The following MAML3 variants were observed in gnomAD, a reference collection of about 807,000 sequenced individuals.
The protein encoded by MAML3 is mastermind-like protein 3.
In MAML3, 27 loss-of-function variants were observed where a neutral mutation model predicts 101.9. The ratio of observed to expected loss-of-function variants is 0.27; its 90% CI spans 0.20 to 0.37. The LOEUF (loss-of-function observed/expected upper bound fraction) is 0.37, where lower values mean the gene tolerates loss of function less well. Among genes scored for constraint, MAML3 ranks in the 10% least tolerant of loss-of-function variants. The pLI is 1.00. For missense variants in MAML3, 1,316 were observed against 1,444.9 expected, an observed-to-expected ratio of 0.91 and a Z score of 1.45; for synonymous variants, 501 against 555.9, an observed-to-expected ratio of 0.90 and a Z score of 1.39.
Position 139,829,951 on chromosome 4 carries a change from C to G in MAML3, c.2079+59406G>C, listed in dbSNP as rs114230457. On this transcript the variant is annotated intron_variant, in intron 2 of 4. Coordinates refer to ENST00000509479, the MANE Select transcript of MAML3 (RefSeq NM_018717.5). The stretch of plus-strand genomic sequence containing the variant: ...GGGTCAGATGGTCATGTTAACGTAA[C>G]GAATAATGGAAGGAAGTGGCCATGT... Among the ~76,000 whole-genome samples the G allele has an allele frequency of 4.4e-3, 665 of 152,090 alleles. 13 individuals carry two copies. The highest frequency in any genetic ancestry group is 0.015 in the African/African-American group (635 of 41,482).
intron 1 of MAML3, among the ~76,000 whole-genome samples, chr4:140,094,646 C>G (rs1728122306): frequency 6.6e-6 from 1 of 152,184 alleles, no homozygotes; most frequent in South Asian, 2.1e-4. Flanking sequence ...CTAAGATAGC[C>G]GGTGGCCAAC....
chr4:140,153,473 C>G lies in MAML3; in HGVS notation c.-146G>C. The G allele has an allele frequency of 3.7e-5, 29 of 780,630 alleles. No homozygotes were observed. The highest frequency in any genetic ancestry group is 2.8e-4 in the South Asian group (6 of 21,556). 48.4% of individuals were successfully genotyped at this position (780,630 alleles called of 1,614,324 possible). On this transcript the variant is annotated 5_prime_UTR_variant, in exon 1 of 5. Coordinates refer to ENST00000509479, the MANE Select transcript of MAML3 (RefSeq NM_018717.5). Reference sequence around the variant, plus strand: ...GATGGAAACGGCGATCCCGACGGGGCGAAAAAAACGGGGGGGGAGATTTTG... The same window carrying G: ...GATGGAAACGGCGATCCCGACGGGGGGAAAAAAACGGGGGGGGAGATTTTG...
At chr4:139,998,899 C>T (rs914804882) in intron 1 of MAML3, among the ~76,000 whole-genome samples, 1 of 152,088 alleles carries the variant, frequency 6.6e-6, no homozygotes, top group Non-Finnish European at 1.5e-5. Context: ...TTCTGCATGG[C>T]TTAATGGCTG....
chr4:139,823,961 C>T (rs1444559041), intron 2 of MAML3, among the ~76,000 whole-genome samples: 3 of 152,124 alleles, frequency 2.0e-5, no homozygotes, highest in Non-Finnish European at 4.4e-5. Flanking sequence ...CTCACCCCAA[C>T]CCTTCAGGCT....
At chr4:139,724,094 T>C (rs561342341) in intron 4 of MAML3, among the ~76,000 whole-genome samples, 25 of 152,366 alleles carry the variant, frequency 1.6e-4, no homozygotes, top group African/African-American at 5.5e-4. Flanking sequence ...CCACTGGCAC[T>C]GATTTAGTGC....
chr4:139,741,935 C>G (rs1729179460), intron 2 of MAML3, among the ~76,000 whole-genome samples: 1 of 152,058 alleles, frequency 6.6e-6, no homozygotes, highest in African/African-American at 2.4e-5. Context: ...CCTGGGCACT[C>G]CAAAAAATAG....
intron 1 of MAML3, among the ~76,000 whole-genome samples, chr4:140,092,093 TATATATATACGTATATATATATATAC>T (rs1728066798): frequency 1.5e-5 from 2 of 136,228 alleles, no homozygotes; most frequent in Admixed American, 7.4e-5. Context: ...TATACGTATA[TATATATATACGTATATATATATATAC>T]GTATATATAT....
rs142566374 is a variant in MAML3 at position 140,014,813 on chromosome 4, AG to A, written c.469-123847del. 9.7e-3 allele frequency among the ~76,000 whole-genome samples: 1,473 copies of A among 152,304 alleles called. 15 individuals are homozygous for A. The highest frequency in any genetic ancestry group is 0.014 in the Non-Finnish European group (958 of 68,008). Reference sequence around the variant, plus strand: ...GTAAACTTCAATCACTCCCTTCCTTAGGGACACTAGGATATTGAAAAGACTA... The same window carrying A: ...GTAAACTTCAATCACTCCCTTCCTTAGGACACTAGGATATTGAAAAGACTA... On this transcript the variant is annotated intron_variant, in intron 1 of 4. Coordinates refer to ENST00000509479, the MANE Select transcript of MAML3 (RefSeq NM_018717.5).
intron 2 of MAML3, among the ~76,000 whole-genome samples, chr4:139,885,985 A>G (rs1732331940): frequency 6.7e-6 from 1 of 149,706 alleles, no homozygotes; most frequent in African/African-American, 2.4e-5. Flanking sequence ...AAGGGAATAA[A>G]GAAATAATAT....
At chr4:139,769,500 T>A (rs1729930993) in intron 2 of MAML3, among the ~76,000 whole-genome samples, 2 of 152,214 alleles carry the variant, frequency 1.3e-5, no homozygotes, top group African/African-American at 2.4e-5. Context: ...GTGGTATATC[T>A]TACAGGAGAC....
chr4:140,109,112 T>A (rs1281128033), intron 1 of MAML3, among the ~76,000 whole-genome samples: 3 of 152,202 alleles, frequency 2.0e-5, no homozygotes, highest in African/African-American at 4.8e-5. Context: ...TTTGAAGGTT[T>A]CAGTTGAAGG....
At chr4:140,087,074 C>T (rs1230671744) in intron 1 of MAML3, among the ~76,000 whole-genome samples, 2 of 152,144 alleles carry the variant, frequency 1.3e-5, no homozygotes, top group African/African-American at 2.4e-5. Flanking sequence ...GCAGGAGGAT[C>T]GCTTGAACCT....
In MAML3 at chr4:139,889,720, C is replaced by A. The variant is rs768798235; in HGVS notation, c.1716G>T (p.Gln572His). ...QKTTMNNYLP[Q>H]NHMNMINQQP... is the part of the protein sequence containing the mutation. ...GCTGATTGATCATATTCATGTGATT[C>A]TGAGGGAGGTAGTTATTCATTGTTG... Residue 572 changes from glutamine to histidine, a missense_variant, in exon 2 of 5, where the codon CAG becomes CAT. By Grantham distance (24) the Gln-to-His change is conservative. Transcript: ENST00000509479. The A allele has an allele frequency of 2.4e-5, 38 of 1,613,802 alleles. 1 individual carries two copies. Among genetic ancestry groups the A allele is most frequent in the Admixed American group, 3.3e-5 (2 of 59,990 alleles).
chr4:140,140,958 G>A (rs1727713894), intron 1 of MAML3, among the ~76,000 whole-genome samples: 1 of 152,160 alleles, frequency 6.6e-6, no homozygotes, highest in Non-Finnish European at 1.5e-5. Context: ...TGTGGCTCCT[G>A]TTCAGACCAA....
chr4:139,936,841 A>C (rs553489506), intron 1 of MAML3, among the ~76,000 whole-genome samples: 2 of 152,312 alleles, frequency 1.3e-5, no homozygotes, highest in South Asian at 4.1e-4. Flanking sequence ...CCTGAAAGAA[A>C]GTCCTATTTA....
intron 1 of MAML3, among the ~76,000 whole-genome samples, chr4:140,120,191 C>G (rs1487065800): frequency 1.4e-5 from 2 of 146,048 alleles, no homozygotes; most frequent in South Asian, 4.4e-4. Context: ...GAGCCAAGAT[C>G]GCGCCACCGC....
intron 2 of MAML3, among the ~76,000 whole-genome samples, chr4:139,832,827 GT>G (rs1731192921): frequency 6.6e-6 from 1 of 152,228 alleles, no homozygotes; most frequent in Non-Finnish European, 1.5e-5. Context: ...TAGGCAGTCA[GT>G]TTAAGTATCT....
intron 2 of MAML3, among the ~76,000 whole-genome samples, chr4:139,884,106 A>G (rs1402236446): frequency 2.0e-5 from 3 of 151,246 alleles, no homozygotes; most frequent in African/African-American, 7.3e-5. Flanking sequence ...CTGCTCTCGA[A>G]CTCCTGACCT....
At chr4:139,770,070 C>T (rs1460928233) in intron 2 of MAML3, among the ~76,000 whole-genome samples, 4 of 152,084 alleles carry the variant, frequency 2.6e-5, no homozygotes, top group African/African-American at 9.7e-5. Context: ...CAGGTGTATA[C>T]TACCATGTCT....
Sources: allele counts gnomAD v4.1 joint callset (sites outside exome capture counted in the v4.1 genomes callset), GRCh38; gene constraint gnomAD v4.1.1; transcripts MANE v1.5; gene names NCBI Gene and HGNC (gene_info 2026-07-23, HGNC 2026-07-21).